EDA: variants seen among roughly 807,000 people sequenced by gnomAD.
EDA encodes ectodysplasin A.
In EDA, 2 loss-of-function variants were observed where a neutral mutation model predicts 23.6. The ratio of observed to expected loss-of-function variants is 0.08; its 90% confidence interval spans 0.03 to 0.27. The LOEUF is 0.27. Ranked by LOEUF, EDA falls within the 10% of genes least tolerant of loss-of-function variation. The probability of loss-of-function intolerance (pLI) is 1.00; values close to 1 mark genes in which losing one functional copy is unlikely to be tolerated. For synonymous variants in EDA, 131 were observed against 132.0 expected (o/e 0.99, Z 0.05); for missense variants, 229 against 324.2 (o/e 0.71, Z 2.26).
chrX:70,025,704 A>C (rs1176260133), intron 3 of EDA, among the ~76,000 whole-genome samples: 2 of 112,204 alleles, frequency 1.8e-5, no homozygotes, highest in Non-Finnish European at 3.8e-5. Context: ...AAGCTGCCCA[A>C]ATCTGAAAGG....
chrX:70,013,841 C>T (rs1251176570), intron 2 of EDA, among the ~76,000 whole-genome samples: 1 of 112,086 alleles, frequency 8.9e-6, no homozygotes, highest in African/African-American at 3.2e-5. Context: ...CTCACACCTC[C>T]AGCATACCAC....
At chrX:69,779,915 CT>C (rs1476571216) in intron 1 of EDA, among the ~76,000 whole-genome samples, 2 of 111,115 alleles carry the variant, frequency 1.8e-5, no homozygotes, top group African/African-American at 6.5e-5. Flanking sequence ...GTAGAAAAGG[CT>C]TATATGGCCA....
chrX:70,023,114 C>G (rs1298979311), intron 2 of EDA, 104 bp from the exon 3 acceptor site: 9 of 485,000 alleles, frequency 1.9e-5, no homozygotes, highest in Non-Finnish European at 2.7e-5. Context: ...GAGACTCCCT[C>G]AAATTTGCAG....
At chrX:69,712,610 G>T (rs1280252257) in intron 1 of EDA, among the ~76,000 whole-genome samples, 3 of 111,455 alleles carry the variant, frequency 2.7e-5, no homozygotes, top group African/African-American at 9.8e-5. Context: ...TACACTGTTG[G>T]TGGGACTGTA....
intron 1 of EDA, among the ~76,000 whole-genome samples, chrX:69,909,659 A>T (rs1342190215): frequency 1.8e-5 from 2 of 112,740 alleles, no homozygotes; most frequent in African/African-American, 6.4e-5. Flanking sequence ...TTTCTTTTGT[A>T]TGTATGTGTT....
intron 2 of EDA, among the ~76,000 whole-genome samples, chrX:69,959,328 A>G (rs2019066505): frequency 9.0e-6 from 1 of 111,528 alleles, no homozygotes; most frequent in Admixed American, 9.6e-5. Context: ...TAGAGTTAGG[A>G]GTATAGAATG....
At chrX:69,782,380 AAAAAAAAAAAAACATT>A (rs1331349196) in intron 1 of EDA, among the ~76,000 whole-genome samples, 1 of 106,831 alleles carries the variant, frequency 9.4e-6, no homozygotes, top group Non-Finnish European at 1.9e-5. Context: ...AAAAAAAAAA[AAAAAAAAAAAAACATT>A]AAGCAGCTAC....
At chrX:69,764,970 G>T (rs1235083447) in intron 1 of EDA, among the ~76,000 whole-genome samples, 1 of 111,516 alleles carries the variant, frequency 9.0e-6, no homozygotes, top group African/African-American at 3.3e-5. Flanking sequence ...AAATCAAATT[G>T]TCATAGGCAT....
At chrX:69,710,677 C>T (rs1054509895) in intron 1 of EDA, among the ~76,000 whole-genome samples, 12 of 111,510 alleles carry the variant, frequency 1.1e-4, no homozygotes, top group East Asian at 8.5e-4. Context: ...TGAGCAGTGG[C>T]TTGTAGTTCT....
chrX:69,745,929 G>A (rs956874271), intron 1 of EDA, among the ~76,000 whole-genome samples: 1 of 111,676 alleles, frequency 9.0e-6, no homozygotes, highest in Non-Finnish European at 1.9e-5. Context: ...AGAGGTTGCA[G>A]TGAGCCAAGA....
chrX:69,780,511 T>C (rs1344936468), intron 1 of EDA, among the ~76,000 whole-genome samples: 1 of 111,435 alleles, frequency 9.0e-6, no homozygotes, highest in African/African-American at 3.3e-5. Context: ...TTAGCAGCCA[T>C]TCCCTGTTTT....
intron 1 of EDA, among the ~76,000 whole-genome samples, chrX:69,898,859 G>A (rs1475178000): frequency 1.8e-5 from 2 of 111,847 alleles, no homozygotes; most frequent in Non-Finnish European, 3.8e-5. Context: ...TCAGCAGTCA[G>A]AATAGCAAGG....
chrX:69,633,297 A>G (rs1932673348), intron 1 of EDA, among the ~76,000 whole-genome samples: 1 of 112,468 alleles, frequency 8.9e-6, no homozygotes, highest in Non-Finnish European at 1.9e-5. Context: ...TCAATGATTA[A>G]TGTTCCTCAG....
intron 1 of EDA, among the ~76,000 whole-genome samples, chrX:69,789,138 G>A (rs766317976): frequency 3.6e-5 from 4 of 112,201 alleles, no homozygotes; most frequent in South Asian, 3.7e-4. Context: ...GCAATGCCTC[G>A]CCCTGCTTGG....
At chrX:69,933,767 G>A (rs1938016) in intron 1 of EDA, among the ~76,000 whole-genome samples, 1 of 111,012 alleles carries the variant, frequency 9.0e-6, no homozygotes, top group Non-Finnish European at 1.9e-5. Flanking sequence ...CCATTCAGAC[G>A]AAGTGTTCCT....
At chrX:69,827,714 A>G (rs866880515) in intron 1 of EDA, among the ~76,000 whole-genome samples, 1 of 112,164 alleles carries the variant, frequency 8.9e-6, no homozygotes, top group East Asian at 2.8e-4. Context: ...AAAGTCATTC[A>G]ACGTCCAGCT....
chrX:69,874,627 C>T (rs989809018), intron 1 of EDA, among the ~76,000 whole-genome samples: 4 of 111,438 alleles, frequency 3.6e-5, no homozygotes, highest in Non-Finnish European at 7.5e-5. Flanking sequence ...CAACATAGTA[C>T]TGGAAGTCCT....
chrX:69,918,183 G>A (rs1368192233), intron 1 of EDA, among the ~76,000 whole-genome samples: 6 of 86,276 alleles, frequency 7.0e-5, no homozygotes, highest in African/African-American at 2.8e-4. Context: ...TCCAGACAGA[G>A]TCTTCCTCTG....
intron 1 of EDA, among the ~76,000 whole-genome samples, chrX:69,862,948 C>T (rs889940530): frequency 9.1e-6 from 1 of 109,720 alleles, no homozygotes; most frequent in African/African-American, 3.3e-5. Flanking sequence ...GACTAAAAAT[C>T]CATGTAGGAA....
Sources: allele counts gnomAD v4.1 joint callset (sites outside exome capture counted in the v4.1 genomes callset), GRCh38; gene constraint gnomAD v4.1.1; transcripts MANE v1.5; gene names NCBI Gene and HGNC (gene_info 2026-07-23, HGNC 2026-07-21).